The following ATG7 variants were observed in gnomAD, a reference collection of about 807,000 sequenced individuals.
The protein encoded by ATG7 is ubiquitin-like modifier-activating enzyme ATG7.
In ATG7, 70 loss-of-function variants were observed where a neutral mutation model predicts 82.4. The observed-to-expected ratio is 0.85, with a 90% CI of 0.70 to 1.04. The LOEUF is 1.04. ATG7 is among the 50% of genes least tolerant of loss of function. The probability of loss-of-function intolerance (pLI) is 0.00; values close to 1 mark genes in which losing one functional copy is unlikely to be tolerated. For missense variants in ATG7, 792 were observed against 864.3 expected, an observed-to-expected ratio of 0.92 and a Z score of 1.05; for synonymous variants, 287 against 313.0, an observed-to-expected ratio of 0.92 and a Z score of 0.88.
chr3:11,542,035 C>T (rs902729849), intron 20 of ATG7, among the ~76,000 whole-genome samples: 2 of 152,248 alleles, frequency 1.3e-5, no homozygotes, highest in Non-Finnish European at 2.9e-5. Flanking sequence ...GCCTGGGGCC[C>T]GTGCCCTCCT....
chr3:11,426,724 G>T, intron 19 of ATG7, 80 bp from the exon 20 acceptor site: 1 of 1,305,892 alleles, frequency 7.7e-7, no homozygotes, highest in Non-Finnish European at 1.0e-6. Flanking sequence ...TTTTTGACAA[G>T]AGCTTGTTAG....
intron 20 of ATG7, among the ~76,000 whole-genome samples, chr3:11,528,816 A>G (rs1047043217): frequency 8.5e-5 from 11 of 128,822 alleles, no homozygotes; most frequent in African/African-American, 3.4e-4. Flanking sequence ...ACAGAGCAAG[A>G]CTCCATCTCA....
downstream of ATG7, among the ~76,000 whole-genome samples, chr3:11,561,875 G>A (rs193022314): frequency 4.9e-3 from 739 of 150,210 alleles, 4 homozygotes; most frequent in Non-Finnish European, 7.7e-3. Context: ...CAACCCCCAA[G>A]GCTGGCTGCG....
intron 20 of ATG7, among the ~76,000 whole-genome samples, chr3:11,489,536 T>C (rs1332754791): frequency 7.0e-6 from 1 of 143,800 alleles, no homozygotes; most frequent in Non-Finnish European, 1.5e-5. Context: ...ATGTGTTTGT[T>C]CTTGCTTTTC....
chr3:11,391,965 G>C (rs563026210), intron 19 of ATG7, among the ~76,000 whole-genome samples: 2 of 141,994 alleles, frequency 1.4e-5, no homozygotes, highest in Admixed American at 1.4e-4. Flanking sequence ...TATTGGGGGG[G>C]GGGTAATTTC....
At chr3:11,566,534 G>T in the ATG7 span, among the ~76,000 whole-genome samples, 7 of 152,170 alleles carry the variant, frequency 4.6e-5, 1 homozygote, top group South Asian at 1.5e-3. Flanking sequence ...TAGCCTCTGG[G>T]CCTGACCACC....
chr3:11,498,616 C>G (rs1301870419), intron 20 of ATG7, among the ~76,000 whole-genome samples: 1 of 152,240 alleles, frequency 6.6e-6, no homozygotes, highest in African/African-American at 2.4e-5. Context: ...AACGCCTCAG[C>G]TGGTGCTCCA....
At chr3:11,458,336 T>C (rs1181689201) in intron 20 of ATG7, among the ~76,000 whole-genome samples, 4 of 152,146 alleles carry the variant, frequency 2.6e-5, no homozygotes, top group East Asian at 3.9e-4. Context: ...CCATCTCCGC[T>C]CACTGCAAGC....
intron 20 of ATG7, among the ~76,000 whole-genome samples, chr3:11,454,652 A>G (rs569958233): frequency 6.6e-6 from 1 of 152,208 alleles, no homozygotes; most frequent in Non-Finnish European, 1.5e-5. Flanking sequence ...TTGAGTAAAT[A>G]AAGGTTGAGA....
At chr3:11,422,190 A>G (rs919315565) in intron 19 of ATG7, among the ~76,000 whole-genome samples, 11 of 152,342 alleles carry the variant, frequency 7.2e-5, no homozygotes, top group Admixed American at 5.2e-4. Flanking sequence ...TGAAGCTTTA[A>G]AGCCAGGCAT....
intron 15 of ATG7, among the ~76,000 whole-genome samples, chr3:11,359,265 G>C (rs1181033230): frequency 6.6e-6 from 1 of 152,100 alleles, no homozygotes; most frequent in African/African-American, 2.4e-5. Flanking sequence ...GTAATTTTTT[G>C]AGCTGCGGGT....
At chr3:11,484,268 C>A (rs1469685878) in intron 20 of ATG7, among the ~76,000 whole-genome samples, 1 of 152,020 alleles carries the variant, frequency 6.6e-6, no homozygotes, top group Non-Finnish European at 1.5e-5. Context: ...GTGGCGTGCA[C>A]CTGTAATCCC....
At chr3:11,485,616 C>T (rs1483451432) in intron 20 of ATG7, among the ~76,000 whole-genome samples, 7 of 152,214 alleles carry the variant, frequency 4.6e-5, no homozygotes, top group Non-Finnish European at 1.0e-4. Flanking sequence ...AGTTCTTGCA[C>T]ATGCCTATGT....
downstream of ATG7, chr3:11,557,667 ATAGT>A (rs1482998602): frequency 1.3e-5 from 2 of 152,848 alleles, no homozygotes; most frequent in Admixed American, 6.5e-5. Flanking sequence ...TGAAAAGAAG[ATAGT>A]AAGTATTAAG....
intron 2 of ATG7, 132 bp from the exon 3 acceptor site, chr3:11,282,061 G>A (rs1158676012): frequency 6.6e-6 from 1 of 152,170 alleles, no homozygotes; most frequent in Non-Finnish European, 1.5e-5. Flanking sequence ...AGAGAAATGG[G>A]CAACACTGTT....
chr3:11,427,446 C>T (rs986001833), intron 20 of ATG7, among the ~76,000 whole-genome samples: 1 of 151,734 alleles, frequency 6.6e-6, no homozygotes, highest in Admixed American at 6.6e-5. Flanking sequence ...CTTTGTTTCT[C>T]AGCTAAAATA....
chr3:11,340,675 A>T lies in ATG7; in HGVS notation c.920A>T (p.Asn307Ile). 5 of 1,613,856 alleles carry T rather than the reference A, an allele frequency of 3.1e-6. No homozygotes were observed. Among genetic ancestry groups the T allele is most frequent in the Non-Finnish European group, 4.2e-6 (5 of 1,179,852 alleles). Residue 307 changes from asparagine (N) to isoleucine (I), a missense_variant, in exon 12 of 21, where the codon AAC becomes ATC. Physicochemically the swap from Asn to Ile is moderately radical, Grantham distance 149. Coordinates refer to ENST00000693202, the MANE Select transcript of ATG7 (RefSeq NM_001349232.2). ...DCPKAVGWEK[N>I]QKGGMGPRMV... ...CCTAAAGCAGTTGGATGGGAAAAGA[A>T]CCAGAAAGGAGGCATGGGACCAAGG...
chr3:11,372,054 C>A (rs566801199), intron 18 of ATG7, among the ~76,000 whole-genome samples: 1 of 151,354 alleles, frequency 6.6e-6, no homozygotes, highest in Admixed American at 6.6e-5. Flanking sequence ...TCATTCCCCA[C>A]GGTGAGGACG....
At chr3:11,553,695 G>C (rs558417236) in intron 20 of ATG7, among the ~76,000 whole-genome samples, 1 of 152,298 alleles carries the variant, frequency 6.6e-6, no homozygotes, top group South Asian at 2.1e-4. Flanking sequence ...CCCCTCCCAA[G>C]AGCTCAGATA....
Sources: allele counts gnomAD v4.1 joint callset (sites outside exome capture counted in the v4.1 genomes callset), GRCh38; gene constraint gnomAD v4.1.1; transcripts MANE v1.5; gene names NCBI Gene and HGNC (gene_info 2026-07-23, HGNC 2026-07-21).